The following PGBD2 variants were observed in gnomAD, a reference collection of about 807,000 sequenced individuals.
PGBD2 encodes the protein piggyBac transposable element-derived protein 2.
PGBD2 carries 6 observed loss-of-function variants against 8.1 expected under a neutral mutation model. The ratio of observed to expected loss-of-function variants is 0.74; its 90% CI spans 0.40 to 1.46. The LOEUF (loss-of-function observed/expected upper bound fraction) is 1.46, where lower values mean the gene tolerates loss of function less well. Among genes scored for constraint, PGBD2 ranks in the 40% most tolerant of loss-of-function variants. The pLI, the probability that PGBD2 is intolerant of heterozygous loss-of-function variation, is 0.02. For synonymous variants in PGBD2, 318 were observed against 272.2 expected (o/e 1.17, Z -1.66); for missense variants, 802 against 739.0 (o/e 1.09, Z -0.99).
chr1:248,927,022 G>A, the PGBD2 span, among the ~76,000 whole-genome samples: 1 of 152,186 alleles, frequency 6.6e-6, no homozygotes, highest in Non-Finnish European at 1.5e-5. Context: ...GTCATGCAGT[G>A]ACTCATGCAA....
chr1:248,914,319 T>C, intron 2 of PGBD2: 1 of 833,980 alleles, frequency 1.2e-6, no homozygotes, highest in Non-Finnish European at 1.4e-6. Flanking sequence ...CCCTGTGAAC[T>C]GGGTGAGGAC....
At chr1:248,874,393 T>C in the PGBD2 span, among the ~76,000 whole-genome samples, 1 of 152,150 alleles carries the variant, frequency 6.6e-6, no homozygotes, top group South Asian at 2.1e-4. Flanking sequence ...TGACTTGACT[T>C]CTAAACAAAG....
the PGBD2 span, among the ~76,000 whole-genome samples, chr1:248,875,621 T>G: frequency 2.0e-5 from 3 of 152,246 alleles, 1 homozygote; most frequent in South Asian, 6.2e-4. Context: ...CTTAACATTT[T>G]GTAATATTAT....
the PGBD2 span, among the ~76,000 whole-genome samples, chr1:248,891,667 T>C: frequency 6.6e-6 from 1 of 152,054 alleles, no homozygotes. Context: ...TCATCTCTAC[T>C]AAAAATTTAA....
the PGBD2 span, among the ~76,000 whole-genome samples, chr1:248,883,991 T>C: frequency 2.1e-4 from 32 of 152,310 alleles, no homozygotes; most frequent in African/African-American, 5.8e-4. Flanking sequence ...CACTTAGTCA[T>C]AAATTATTTG....
Position 248,917,022 on chromosome 1 carries a change from GT to G in PGBD2, c.440del (p.Leu147CysfsTer26). 6.2e-7 allele frequency: 1 copy of G among 1,613,722 alleles called. No individual in the cohort carries two copies. The highest frequency in any genetic ancestry group is 1.3e-5 in the African/African-American group (1 of 74,928). On this transcript the variant is annotated frameshift_variant, in exon 3 of 3. Transcript: ENST00000329291. LOFTEE classifies it low-confidence loss of function (END_TRUNC). ...QELSPVGLFE[L>X]FFDEGTINFI... ...AGCTGAGTCCCGTGGGCCTTTTTGA[GT>G]TGTTTTTTGATGAAGGAACAATTAA...
At chr1:248,874,927 T>TAGATAGATAGATAGATAGATAGACAGAC in the PGBD2 span, among the ~76,000 whole-genome samples, 212 of 149,394 alleles carry the variant, frequency 1.4e-3, no homozygotes, top group African/African-American at 5.0e-3. Context: ...GATAGATAGA[T>TAGATAGATAGATAGATAGATAGACAGAC]AGATAGATAG....
the PGBD2 span, among the ~76,000 whole-genome samples, chr1:248,925,293 C>T: frequency 1.3e-5 from 2 of 152,210 alleles, no homozygotes; most frequent in Non-Finnish European, 2.9e-5. Flanking sequence ...TCAGAGAGCT[C>T]AGCTGTGACC....
At chr1:248,916,257 T>C (rs189029978) in intron 2 of PGBD2, among the ~76,000 whole-genome samples, 27 of 151,838 alleles carry the variant, frequency 1.8e-4, no homozygotes, top group African/African-American at 6.0e-4. Flanking sequence ...ACTAAAAATA[T>C]AAAAAAATTA....
At chr1:248,910,498 AAGT>A (rs1661834009) in intron 1 of PGBD2, among the ~76,000 whole-genome samples, 1 of 152,220 alleles carries the variant, frequency 6.6e-6, no homozygotes, top group Admixed American at 6.5e-5. Context: ...GGGCACCAGG[AAGT>A]CTCTTTGGTA....
the PGBD2 span, among the ~76,000 whole-genome samples, chr1:248,890,319 C>A: frequency 6.6e-6 from 1 of 152,272 alleles, no homozygotes; most frequent in Admixed American, 6.5e-5. Flanking sequence ...ATAAACCTGT[C>A]TTCTGTCGAG....
In PGBD2 at chr1:248,917,771, G is replaced by T; in HGVS notation, c.1187G>T (p.Gly396Val). 2 of 1,614,170 alleles carry T rather than the reference G, an allele frequency of 1.2e-6. No homozygotes were observed. Among genetic ancestry groups the T allele is most frequent in the Non-Finnish European group, 8.5e-7 (1 of 1,180,022 alleles). Residue 396 changes from glycine to valine, a missense_variant, in exon 3 of 3, where the codon GGT (glycine) becomes GTT (valine). Physicochemically the swap from Gly to Val is moderately radical, Grantham distance 109. Transcript: ENST00000329291. ...DPKELKKMKR[G>V]SFDYKVDESE... ...AAAGAACTGAAAAAAATGAAGAGGG[G>T]TTCATTTGATTACAAAGTCGATGAG...
the PGBD2 span, among the ~76,000 whole-genome samples, chr1:248,925,605 A>AT: frequency 4.8e-4 from 65 of 135,084 alleles, 1 homozygote; most frequent in South Asian, 7.3e-3. Context: ...TTCGTGAATT[A>AT]TTGTAAATAA....
the PGBD2 span, among the ~76,000 whole-genome samples, chr1:248,899,353 TA>T: frequency 1.0e-2 from 1,521 of 152,272 alleles, 34 homozygotes; most frequent in African/African-American, 0.035. Context: ...TAATCTGAAG[TA>T]AAACACTCCT....
upstream of PGBD2, among the ~76,000 whole-genome samples, chr1:248,901,384 A>T (rs982761503): frequency 2.6e-5 from 4 of 151,514 alleles, no homozygotes; most frequent in Non-Finnish European, 5.9e-5. Context: ...GTACTGGTAC[A>T]AAAATGACAC....
chr1:248,907,346 C>T (rs1413745373), intron 1 of PGBD2, among the ~76,000 whole-genome samples: 1 of 152,206 alleles, frequency 6.6e-6, no homozygotes, highest in Admixed American at 6.5e-5. Context: ...TCTCCTATCT[C>T]AGAATTGAAC....
At chr1:248,903,597 G>C (rs1432002704), upstream of PGBD2, among the ~76,000 whole-genome samples, 3 of 152,156 alleles carry the variant, frequency 2.0e-5, no homozygotes, top group African/African-American at 7.2e-5. Flanking sequence ...TTATTAACAA[G>C]CAAGCTTCAA....
chr1:248,901,261 C>T (rs1558281465), upstream of PGBD2, among the ~76,000 whole-genome samples: 1 of 151,360 alleles, frequency 6.6e-6, no homozygotes, highest in African/African-American at 2.4e-5. Flanking sequence ...CATATGGAAC[C>T]AAAAAAAAGT....
At chr1:248,919,229 C>A (rs1310337584), downstream of PGBD2, 1 of 167,038 alleles carries the variant, frequency 6.0e-6, no homozygotes. Context: ...CACTCTCCCC[C>A]ACCCCCTAAC....
Sources: allele counts gnomAD v4.1 joint callset (sites outside exome capture counted in the v4.1 genomes callset), GRCh38; gene constraint gnomAD v4.1.1; transcripts MANE v1.5; gene names NCBI Gene and HGNC (gene_info 2026-07-23, HGNC 2026-07-21).